Variants in PCDHA10 observed in about 807,000 individuals in gnomAD.
The protein encoded by PCDHA10 is protocadherin alpha 10.
In PCDHA10, 45 loss-of-function variants were observed where a neutral mutation model predicts 61.2. The observed-to-expected ratio is 0.74, with a 90% CI of 0.58 to 0.94. The LOEUF is 0.94. PCDHA10 is among the 40% of genes least tolerant of loss of function. PCDHA10 has a pLI of 0.00. For synonymous variants in PCDHA10, 602 were observed against 548.8 expected, an observed-to-expected ratio of 1.10 and a Z score of -1.35; for missense variants, 1,278 against 1,236.2, an observed-to-expected ratio of 1.03 and a Z score of -0.51.
chr5:140,930,794 T>G (rs2087114829), intron 1 of PCDHA10, among the ~76,000 whole-genome samples: 1 of 152,200 alleles, frequency 6.6e-6, no homozygotes, highest in Non-Finnish European at 1.5e-5. Context: ...TATAATAGAA[T>G]CCAGCATATA....
At chr5:140,881,594 A>G (rs1464236535) in intron 1 of PCDHA10, among the ~76,000 whole-genome samples, 7 of 152,244 alleles carry the variant, frequency 4.6e-5, no homozygotes, top group Admixed American at 6.5e-5. Context: ...AGGGAAATTT[A>G]TTAATATGAT....
intron 1 of PCDHA10, among the ~76,000 whole-genome samples, chr5:140,965,126 A>C (rs540121719): frequency 7.9e-5 from 12 of 152,372 alleles, no homozygotes; most frequent in African/African-American, 2.6e-4. Flanking sequence ...GAAGATCTAC[A>C]GATGACAGAA....
At chr5:140,876,616 A>C (rs2056459535) in intron 1 of PCDHA10, 1 of 1,614,196 alleles carries the variant, frequency 6.2e-7, no homozygotes, top group Non-Finnish European at 8.5e-7. Flanking sequence ...CTCTGGAGCC[A>C]ATGGACAGGT....
intron 1 of PCDHA10, chr5:140,871,406 T>A: frequency 6.2e-7 from 1 of 1,614,032 alleles, no homozygotes; most frequent in African/African-American, 1.3e-5. Context: ...AAGACGGACC[T>A]CATGGCCTTC....
intron 1 of PCDHA10, among the ~76,000 whole-genome samples, chr5:140,963,173 G>C (rs2095742129): frequency 6.6e-6 from 1 of 151,942 alleles, no homozygotes; most frequent in Non-Finnish European, 1.5e-5. Flanking sequence ...CCATCTTACA[G>C]ATATGCTGTA....
At position 140,950,434 on chromosome 5, in the gene PCDHA10, A is replaced by G. The variant is rs554490421; in HGVS notation, c.2389-28515A>G. Among the ~76,000 whole-genome samples, 4 of 152,176 alleles carry G rather than the reference A, an allele frequency of 2.6e-5. No homozygotes were observed. The South Asian group carries it at 8.3e-4, about 32-fold the overall frequency. On this transcript the variant is annotated intron_variant, in intron 1 of 3. Transcript: ENST00000307360. ...AGATTTTATTTTCTTCCACTTAAAA[A>G]AAATGTTATTCTACTGTCTTCTAAT...
At chr5:140,884,247 C>G (rs1554181368) in intron 1 of PCDHA10, 5 of 1,613,398 alleles carry the variant, frequency 3.1e-6, no homozygotes, top group Non-Finnish European at 4.2e-6. Flanking sequence ...CCCGCGCTGA[C>G]GGCCACGGCA....
chr5:140,868,877 C>T (rs1554162279), intron 1 of PCDHA10: 4 of 684,224 alleles, frequency 5.8e-6, no homozygotes, highest in South Asian at 2.2e-5. Flanking sequence ...GCACAGTACT[C>T]ACAGTTTTAG....
chr5:140,917,797 C>T (rs1174581148), intron 1 of PCDHA10, among the ~76,000 whole-genome samples: 2 of 151,940 alleles, frequency 1.3e-5, no homozygotes, highest in African/African-American at 4.8e-5. Flanking sequence ...GTTACTGTAG[C>T]CTTGCAGTAT....
intron 1 of PCDHA10, chr5:140,928,748 G>T (rs191251073): frequency 6.2e-7 from 1 of 1,614,114 alleles, no homozygotes; most frequent in Admixed American, 1.7e-5. Flanking sequence ...GGTGAGCTCC[G>T]TACTGCTCGC....
chr5:141,000,417 ATATATTTTTTT>A (rs2097924314), intron 3 of PCDHA10, among the ~76,000 whole-genome samples: 12 of 77,748 alleles, frequency 1.5e-4, no homozygotes, highest in Non-Finnish European at 2.3e-4. Flanking sequence ...ATATATATAT[ATATATTTTTTT>A]TTTTTTTTTT....
rs996216348 is a variant in PCDHA10, at chr5:140,856,746, A to G, written c.698A>G (p.Asp233Gly). ...GTTTCTCTGCTGATCCTGGTGTTAG[A>G]TGCCAATGATAACGCCCCTATCTTT... ...GSVSLLILVL[D>G]ANDNAPIFDR... The change falls in exon 1 of 4, where the codon GAT becomes GGT. Residue 233 changes from aspartate (D) to glycine (G), a missense_variant. By Grantham distance (94) the Asp-to-Gly change is moderately conservative (BLOSUM62 -1). Coordinates refer to ENST00000307360, the MANE Select transcript of PCDHA10 (RefSeq NM_018901.4). 6.3e-7 allele frequency: 1 copy of G among 1,596,552 alleles called. No homozygotes were observed. Among genetic ancestry groups the G allele is most frequent in the Non-Finnish European group, 8.6e-7 (1 of 1,166,356 alleles).
intron 1 of PCDHA10, among the ~76,000 whole-genome samples, chr5:140,945,397 A>G (rs2093784345): frequency 6.6e-6 from 1 of 152,132 alleles, no homozygotes; most frequent in Admixed American, 6.5e-5. Context: ...TACAAATTCA[A>G]TACAATTCGT....
chr5:140,928,100 T>C (rs1458420006), intron 1 of PCDHA10: 1 of 1,614,090 alleles, frequency 6.2e-7, no homozygotes, highest in African/African-American at 1.3e-5. Context: ...GATGGGCCCC[T>C]GGACCGGGAG....
At chr5:140,965,103 A>G (rs1453303865) in intron 1 of PCDHA10, among the ~76,000 whole-genome samples, 1 of 152,234 alleles carries the variant, frequency 6.6e-6, no homozygotes, top group Non-Finnish European at 1.5e-5. Context: ...TAGCTAGAAA[A>G]TGACCCATAG....
intron 3 of PCDHA10, among the ~76,000 whole-genome samples, chr5:140,997,002 G>T (rs534893055): frequency 1.3e-5 from 2 of 152,118 alleles, no homozygotes; most frequent in East Asian, 1.9e-4. Context: ...TAACAATTTT[G>T]TGTGTATCCT....
chr5:140,967,146 A>C, intron 1 of PCDHA10: 1 of 1,610,972 alleles, frequency 6.2e-7, no homozygotes, highest in Non-Finnish European at 8.5e-7. Flanking sequence ...CTGGCGCACA[A>C]CCCCGTGGCG....
chr5:141,001,943 A>G (rs1197227753), intron 3 of PCDHA10, among the ~76,000 whole-genome samples: 1 of 147,256 alleles, frequency 6.8e-6, no homozygotes, highest in African/African-American at 2.7e-5. Flanking sequence ...GAGCGGAAAT[A>G]AGGAGGAGGG....
rs73793505 is a variant in PCDHA10, at chr5:140,858,470, T to C, written c.2388+34T>C. The C allele has an allele frequency of 3.2e-3, 4,807 of 1,519,778 alleles. 358 individuals are homozygous for C. In the African/African-American group the frequency reaches 0.058, roughly 18 times the overall value. 94.1% of individuals were successfully genotyped at this position (1,519,778 alleles called of 1,614,324 possible). A position where few individuals can be genotyped will look rare whatever the true frequency, so the allele number is the denominator to read the frequency against. On this transcript the variant is annotated intron_variant, in intron 1 of 3. Transcript: ENST00000307360. ...TTACGTTTTCATTTTCCTTTTGTGC[T>C]TTATGAATAATATTTTCTCTTACCG...
Sources: gnomAD v4.1 joint callset for allele counts (sites outside exome capture counted in the v4.1 genomes callset) on GRCh38, gnomAD v4.1.1 for gene constraint, MANE v1.5 for transcripts, NCBI Gene and HGNC (gene_info 2026-07-23, HGNC 2026-07-21) for gene names.